EFCAB13: variants seen among roughly 807,000 people sequenced by gnomAD.
EFCAB13 encodes the protein EF-hand calcium binding domain 13, also known as EF-hand calcium-binding domain-containing protein 13.
A neutral mutation model predicts 110.2 loss-of-function variants in EFCAB13; 91 were observed. The observed-to-expected ratio is 0.83, with a 90% CI of 0.70 to 0.98. The LOEUF is 0.98. Among genes scored for constraint, EFCAB13 ranks in the 50% least tolerant of loss-of-function variants. The pLI is 0.00. For synonymous variants in EFCAB13, 323 were observed against 369.9 expected, an observed-to-expected ratio of 0.87 and a Z score of 1.45; for missense variants, 968 against 1,119.4, an observed-to-expected ratio of 0.86 and a Z score of 1.93.
intron 8 of EFCAB13, among the ~76,000 whole-genome samples, chr17:47,346,977 G>A (rs2065420542): frequency 6.6e-6 from 1 of 151,982 alleles, no homozygotes; most frequent in Non-Finnish European, 1.5e-5. Context: ...TCACTGTTAG[G>A]GCTAGGTGAG....
At chr17:47,376,169 C>T (rs1162599247) in intron 12 of EFCAB13, among the ~76,000 whole-genome samples, 1 of 152,088 alleles carries the variant, frequency 6.6e-6, no homozygotes, top group East Asian at 1.9e-4. Flanking sequence ...TTTTGTGATT[C>T]ATACATTAGT....
intron 15 of EFCAB13, among the ~76,000 whole-genome samples, chr17:47,392,467 G>A (rs2065713420): frequency 1.3e-5 from 2 of 152,022 alleles, no homozygotes; most frequent in African/African-American, 4.8e-5. Context: ...GGGGGGTGGG[G>A]GTTGGGAGGA....
At chr17:47,393,643 G>A (rs2065720618) in intron 15 of EFCAB13, among the ~76,000 whole-genome samples, 1 of 151,886 alleles carries the variant, frequency 6.6e-6, no homozygotes, top group Non-Finnish European at 1.5e-5. Flanking sequence ...TTGAACCTGG[G>A]AGGTGGAGGT....
At chr17:47,393,742 A>C (rs1745775670) in intron 15 of EFCAB13, among the ~76,000 whole-genome samples, 2 of 149,260 alleles carry the variant, frequency 1.3e-5, no homozygotes, top group Admixed American at 1.4e-4. Context: ...ATAAATAAAT[A>C]AATAAATAAA....
At chr17:47,429,715 T>C in intron 23 of EFCAB13, 103 bp from the exon 24 acceptor site, 1 of 1,356,628 alleles carries the variant, frequency 7.4e-7, no homozygotes, top group Non-Finnish European at 9.8e-7. Flanking sequence ...AATTCTAGAA[T>C]CAGATCTTCA....
At chr17:47,402,972 A>T (rs1319115787) in intron 18 of EFCAB13, among the ~76,000 whole-genome samples, 1 of 152,180 alleles carries the variant, frequency 6.6e-6, no homozygotes, top group African/African-American at 2.4e-5. Flanking sequence ...AGCAGACTCT[A>T]CTCAAGGTGG....
At chr17:47,360,312 G>A (rs1033101469) in intron 9 of EFCAB13, among the ~76,000 whole-genome samples, 4 of 151,880 alleles carry the variant, frequency 2.6e-5, no homozygotes, top group African/African-American at 7.3e-5. Context: ...TTTAATGATC[G>A]CCATTCTAAC....
At chr17:47,328,416 T>C (rs1178929088) in intron 4 of EFCAB13, 33 bp downstream of exon 4, 3 of 1,508,416 alleles carry the variant, frequency 2.0e-6, no homozygotes, top group Non-Finnish European at 2.7e-6. Context: ...AAAGATTTCT[T>C]CTTTCTTCTT....
chr17:47,390,323 C>A (rs2065699524), intron 14 of EFCAB13, among the ~76,000 whole-genome samples: 1 of 149,408 alleles, frequency 6.7e-6, no homozygotes, highest in Admixed American at 6.7e-5. Context: ...CTGTTTTTTT[C>A]ATACACACAC....
chr17:47,349,759 CTTTTTTTTT>C (rs1162133822), intron 9 of EFCAB13, among the ~76,000 whole-genome samples: 1 of 76,162 alleles, frequency 1.3e-5, no homozygotes, highest in African/African-American at 5.6e-5. Context: ...GCTGATGTTT[CTTTTTTTTT>C]TTTTTTTTTT....
At chr17:47,360,139 C>T (rs2065504714) in intron 9 of EFCAB13, among the ~76,000 whole-genome samples, 1 of 151,942 alleles carries the variant, frequency 6.6e-6, no homozygotes, top group African/African-American at 2.4e-5. Flanking sequence ...GGGTATATAC[C>T]CAGAAATGGG....
chr17:47,402,227 G>T (rs367665726), intron 18 of EFCAB13, 24 bp downstream of exon 18: 7 of 1,594,424 alleles, frequency 4.4e-6, no homozygotes, highest in East Asian at 2.2e-5. Flanking sequence ...TATTTATAAC[G>T]GTTAGATTTA....
chr17:47,360,617 C>T (rs531689835), intron 9 of EFCAB13, among the ~76,000 whole-genome samples: 35 of 152,270 alleles, frequency 2.3e-4, no homozygotes, highest in African/African-American at 8.4e-4. Flanking sequence ...TGTGCAGAAG[C>T]TCTTTAGTTT....
intron 21 of EFCAB13, among the ~76,000 whole-genome samples, chr17:47,410,581 C>T (rs902031065): frequency 1.5e-4 from 23 of 152,318 alleles, no homozygotes; most frequent in African/African-American, 5.1e-4. Context: ...AGAGTCTCAT[C>T]TTAATCAGAT....
chr17:47,397,578 C>T (rs1170331085), intron 17 of EFCAB13, among the ~76,000 whole-genome samples: 1 of 151,302 alleles, frequency 6.6e-6, no homozygotes, highest in African/African-American at 2.5e-5. Flanking sequence ...AGCGCCTCTT[C>T]CCGGCCGCCA....
At chr17:47,355,295 A>G (rs2065473908) in intron 9 of EFCAB13, among the ~76,000 whole-genome samples, 1 of 152,298 alleles carries the variant, frequency 6.6e-6, no homozygotes, top group Non-Finnish European at 1.5e-5. Flanking sequence ...TGCTTTTGCC[A>G]CACAGCTCTT....
chr17:47,325,626 A>G (rs931239000), intron 2 of EFCAB13, among the ~76,000 whole-genome samples: 3 of 151,570 alleles, frequency 2.0e-5, no homozygotes, highest in Non-Finnish European at 4.4e-5. Context: ...GGGCTTTTGT[A>G]CTTACTTTTC....
At chr17:47,364,407 T>C (rs1348949560) in intron 10 of EFCAB13, among the ~76,000 whole-genome samples, 1 of 150,858 alleles carries the variant, frequency 6.6e-6, no homozygotes, top group Non-Finnish European at 1.5e-5. Context: ...TCCGACTCCC[T>C]GGTTCAAGTG....
intron 10 of EFCAB13, among the ~76,000 whole-genome samples, chr17:47,364,552 C>G (rs1365658982): frequency 6.6e-6 from 1 of 152,110 alleles, no homozygotes; most frequent in Non-Finnish European, 1.5e-5. Flanking sequence ...ACCTTCTGAT[C>G]CACCTGCCTT....
Sources: allele counts gnomAD v4.1 joint callset (sites outside exome capture counted in the v4.1 genomes callset), GRCh38; gene constraint gnomAD v4.1.1; transcripts MANE v1.5; gene names NCBI Gene and HGNC (gene_info 2026-07-23, HGNC 2026-07-21).